The following DACT2 variants were observed in gnomAD, a reference collection of about 807,000 sequenced individuals.
DACT2 encodes the protein dishevelled binding antagonist of beta catenin 2, also known as dapper homolog 2.
In DACT2, 20 loss-of-function variants were observed where a neutral mutation model predicts 22.2. The observed-to-expected ratio is 0.90, with a 90% CI of 0.63 to 1.31. The LOEUF is 1.31. DACT2 is among the 50% of genes most tolerant of loss of function. The pLI, the probability that DACT2 is intolerant of heterozygous loss-of-function variation, is 0.00. For synonymous variants in DACT2, 463 were observed against 479.8 expected, an observed-to-expected ratio of 0.96 and a Z score of 0.46; for missense variants, 1,048 against 1,061.4, an observed-to-expected ratio of 0.99 and a Z score of 0.18.
At chr6:168,305,451 C>T (rs961599477), downstream of DACT2, among the ~76,000 whole-genome samples, 8 of 152,156 alleles carry the variant, frequency 5.3e-5, no homozygotes, top group African/African-American at 9.7e-5. Context: ...AACACGGAGT[C>T]GGAGCTGCCT....
intron 3 of DACT2, among the ~76,000 whole-genome samples, chr6:168,297,331 T>C (rs1779024976): frequency 6.6e-6 from 1 of 152,168 alleles, no homozygotes; most frequent in African/African-American, 2.4e-5. Context: ...GAGGGGAAAC[T>C]ATCCCCAATT....
At chr6:168,311,590 A>ACT (rs1779412104) in intron 1 of DACT2, among the ~76,000 whole-genome samples, 2 of 58,412 alleles carry the variant, frequency 3.4e-5, no homozygotes, top group Admixed American at 2.6e-4. Flanking sequence ...CCATCCACAC[A>ACT]CACACATACA....
chr6:168,307,757 G>T lies in DACT2; in HGVS notation c.2000C>A (p.Ser667Ter), dbSNP rs1028437587. 8 of 1,547,454 alleles carry T rather than the reference G, an allele frequency of 5.2e-6. No individual in the cohort carries two copies. The Admixed American group carries it at 1.6e-4, about 30-fold the overall frequency. ...CGGGAACCGCGGGTCACACTCGGCC[G>T]AGTGCTTGGAGGGCTCTGAGTCGCT... The part of the protein sequence containing the change: ...TRSDSEPSKH[S>*]AECDPRFPSV... The change falls in exon 4 of 4, where the codon TCG becomes TAG. Residue 667 changes from serine to a stop codon, truncating the protein, a stop_gained. Transcript: ENST00000366795. LOFTEE classifies it low-confidence loss of function (END_TRUNC). The surrounding 1 kb of genome is among the most constrained non-coding windows in gnomAD (Gnocchi z 5.3).
chr6:168,293,618 G>C (rs1312633283), exon 6 of DACT2: 1 of 446,012 alleles, frequency 2.2e-6, no homozygotes, highest in Admixed American at 3.6e-5. Context: ...AGAAGGATTG[G>C]AATTTCCAGT....
At position 168,319,561 on chromosome 6, in the gene DACT2, C is replaced by T; in HGVS notation, c.73G>A (p.Ala25Thr). 7.3e-7 allele frequency: 1 copy of T among 1,378,582 alleles called. No individual in the cohort carries two copies. Among genetic ancestry groups the T allele is most frequent in the Non-Finnish European group, 9.5e-7 (1 of 1,058,192 alleles). 85.4% of individuals were successfully genotyped at this position (1,378,582 alleles called of 1,614,324 possible). A position where few individuals can be genotyped will look rare whatever the true frequency, so the allele number is the denominator to read the frequency against. The change falls in exon 1 of 4, where the codon GCG (alanine) becomes ACG (threonine). Residue 25 changes from alanine (A) to threonine (T), a missense_variant. Coordinates refer to ENST00000366795, the MANE Select transcript of DACT2 (RefSeq NM_214462.5). ...RRRLGARLRA[A>T]FAGLQELQGL... is the part of the protein sequence containing the mutation. Reference sequence around the variant, plus strand: ...TGCAGCTCCTGCAGCCCCGCGAACGCCGCGCGCAACCTCGCGCCCAACCTA... The same window carrying T: ...TGCAGCTCCTGCAGCCCCGCGAACGTCGCGCGCAACCTCGCGCCCAACCTA...
At position 168,307,979 on chromosome 6, in the gene DACT2, A is replaced by G. The variant is rs1186816897; in HGVS notation, c.1778T>C (p.Phe593Ser). ...CACTGAGGTGAGCAGTGACGCCTCAAAGGGGAACAGGGCTTGGGCTGAGGT... is the reference window on the plus strand; with the variant it reads ...CACTGAGGTGAGCAGTGACGCCTCAGAGGGGAACAGGGCTTGGGCTGAGGT... ...HRTSAQALFP[F>S]EASLLTSVAR... Residue 593 changes from phenylalanine (F) to serine (S), a missense_variant, in exon 4 of 4, where the codon TTT becomes TCT. Coordinates refer to ENST00000366795, the MANE Select transcript of DACT2 (RefSeq NM_214462.5). The surrounding 1 kb of genome is among the most constrained non-coding windows in gnomAD (Gnocchi z 5.3). 5.8e-6 allele frequency: 9 copies of G among 1,551,162 alleles called. No individual in the cohort carries two copies. The highest frequency in any genetic ancestry group is 2.7e-5 in the African/African-American group (2 of 73,170).
exon 6 of DACT2, chr6:168,293,858 C>A: frequency 1.4e-6 from 1 of 703,082 alleles, no homozygotes; most frequent in South Asian, 1.5e-5. Context: ...TGTGACTGGT[C>A]AGTCAATGCA....
intron 1 of DACT2, among the ~76,000 whole-genome samples, chr6:168,314,984 C>T (rs1470420887): frequency 6.6e-6 from 1 of 152,210 alleles, no homozygotes; most frequent in African/African-American, 2.4e-5. Flanking sequence ...CAAGTTCTCA[C>T]CCTGCCTCCC....
At chr6:168,306,407 G>T (rs61053230), downstream of DACT2, among the ~76,000 whole-genome samples, 1 of 144,212 alleles carries the variant, frequency 6.9e-6, no homozygotes, top group African/African-American at 2.7e-5. Flanking sequence ...CAAAAAAAAA[G>T]TTTTTTTTTT....
intron 3 of DACT2, chr6:168,298,001 A>G (rs1450508211): frequency 6.6e-6 from 1 of 152,250 alleles, no homozygotes; most frequent in Admixed American, 6.5e-5. Context: ...TGGCTTATCA[A>G]AGAGCTCAGT....
chr6:168,308,409 G>A lies in DACT2; in HGVS notation c.1348C>T (p.Pro450Ser). ...CCTCGTCCATAGTCCTGAGCTGAGG[G>A]TGTCTGCTGGGCCTTTGAGCTGGGA... The part of the protein sequence containing the change: ...ASPSSKAQQT[P>S]SAQDYGRGNI... Residue 450 changes from proline to serine, a missense_variant, in exon 4 of 4, where the codon CCC (proline) becomes TCC (serine). Physicochemically the swap from Pro to Ser is moderately conservative, Grantham distance 74. Coordinates refer to ENST00000366795, the MANE Select transcript of DACT2 (RefSeq NM_214462.5). 6.4e-7 allele frequency: 1 copy of A among 1,551,816 alleles called. No homozygotes were observed. The highest frequency in any genetic ancestry group is 8.7e-7 in the Non-Finnish European group (1 of 1,147,006).
intron 3 of DACT2, chr6:168,294,823 C>T (rs1479448454): frequency 2.5e-6 from 1 of 403,146 alleles, no homozygotes; most frequent in Non-Finnish European, 4.3e-6. Context: ...ATAACACTGG[C>T]ATGCAGTATA....
intron 3 of DACT2, among the ~76,000 whole-genome samples, chr6:168,301,843 C>T (rs528862293): frequency 7.9e-4 from 120 of 152,270 alleles, no homozygotes; most frequent in Admixed American, 2.3e-3. Flanking sequence ...CCGGCAGTGG[C>T]TGTTCCCCTT....
Position 168,307,316 on chromosome 6 carries a change from G to A in DACT2, c.*116C>T. On this transcript the variant is annotated 3_prime_UTR_variant, in exon 4 of 4. Transcript: ENST00000366795. The surrounding 1 kb of genome is among the most constrained non-coding windows in gnomAD (Gnocchi z 5.3). ...TCTGCGGGGACTCCTGTTAAACGGT[G>A]GCCTCGGAAGATAAAGCGACTTGGC... The A allele has an allele frequency of 6.7e-7, 1 of 1,483,380 alleles. No individual in the cohort carries two copies. Among genetic ancestry groups the A allele is most frequent in the Non-Finnish European group, 9.0e-7 (1 of 1,117,286 alleles). The allele number at this position is 1,483,380 out of a possible 1,614,324, so 91.9% of individuals were successfully genotyped here. A position where few individuals can be genotyped will look rare whatever the true frequency, so the allele number is the denominator to read the frequency against.
At position 168,307,552 on chromosome 6, in the gene DACT2, G is replaced by T; in HGVS notation, c.2205C>A (p.Val735=). 2 of 1,551,328 alleles carry T rather than the reference G, an allele frequency of 1.3e-6. No homozygotes were observed. Among genetic ancestry groups the T allele is most frequent in the South Asian group, 2.4e-5 (2 of 84,038 alleles). Residue 735 remains valine (V), a synonymous_variant, in exon 4 of 4, where the codon GTC becomes GTA. Transcript: ENST00000366795. The surrounding 1 kb of genome is among the most constrained non-coding windows in gnomAD (Gnocchi z 5.3). The part of the protein sequence containing the change: ...AELAWTQEAP[V]SSGPLLSPVP... ...CGGGGGACAGGAGTGGCCCCGAGCT[G>T]ACCGGGGCCTCCTGGGTCCAGGCCA...
chr6:168,313,255 C>T (rs952925329), intron 1 of DACT2, among the ~76,000 whole-genome samples: 27 of 151,928 alleles, frequency 1.8e-4, no homozygotes, highest in Admixed American at 1.4e-3. Context: ...ATGTTAGCCA[C>T]GATGGTCTCG....
At chr6:168,304,872 C>G (rs867916217), downstream of DACT2, among the ~76,000 whole-genome samples, 1 of 152,180 alleles carries the variant, frequency 6.6e-6, no homozygotes, top group Non-Finnish European at 1.5e-5. Flanking sequence ...GCCAGGGTGC[C>G]GGGTAGACGG....
chr6:168,293,074 G>A (rs1005311017), exon 6 of DACT2: 4 of 152,236 alleles, frequency 2.6e-5, no homozygotes, highest in African/African-American at 4.8e-5. Flanking sequence ...AAAAAAATTC[G>A]TCTGAGGTCG....
chr6:168,303,086 C>T (rs1052574690), downstream of DACT2, among the ~76,000 whole-genome samples: 3 of 152,184 alleles, frequency 2.0e-5, no homozygotes, highest in Admixed American at 1.3e-4. Context: ...CCTTTTTTCA[C>T]TGATCTTTCA....
Sources: gnomAD v4.1 joint callset for allele counts (sites outside exome capture counted in the v4.1 genomes callset) on GRCh38, gnomAD v4.1.1 for gene constraint, Gnocchi (gnomAD v3.1) non-coding constraint, MANE v1.5 for transcripts, NCBI Gene and HGNC (gene_info 2026-07-23, HGNC 2026-07-21) for gene names.